Variants in NKAIN2 observed in about 807,000 individuals in gnomAD.
NKAIN2 encodes the protein sodium/potassium transporting ATPase interacting 2.
Under a neutral mutation model 32.6 loss-of-function variants are expected in NKAIN2, and 14 were observed. The observed-to-expected ratio is 0.43, with a 90% CI of 0.28 to 0.67. NKAIN2 has a LOEUF of 0.67. Ranked by LOEUF, NKAIN2 falls within the 30% of genes least tolerant of loss-of-function variation. NKAIN2 has a pLI of 0.17. For missense variants in NKAIN2, 198 were observed against 258.3 expected (o/e 0.77, Z 1.60); for synonymous variants, 80 against 87.2 (o/e 0.92, Z 0.46).
At chr6:123,978,042 T>G (rs9482495) in intron 1 of NKAIN2, among the ~76,000 whole-genome samples, 7,900 of 152,268 alleles carry the variant, frequency 0.052, 684 homozygotes, top group African/African-American at 0.18. Context: ...GCTTTTAACT[T>G]AATACTTATC....
In NKAIN2 at chr6:124,054,049, A is replaced by T. The variant is rs1444797640; in HGVS notation, c.55-228956A>T. ...ATATTTCTATCTGGTAAAGCATTTT[A>T]TATGTATTATCTATGTCATCTTCAC... On this transcript the variant is annotated intron_variant, in intron 1 of 6. Transcript: ENST00000368417. Among the ~76,000 whole-genome samples the T allele has an allele frequency of 2.0e-5, 3 of 152,238 alleles. No individual in the cohort carries two copies. The East Asian group carries it at 5.8e-4, about 29-fold the overall frequency.
chr6:124,429,134 T>G (rs1775102529), intron 3 of NKAIN2, among the ~76,000 whole-genome samples: 1 of 152,012 alleles, frequency 6.6e-6, no homozygotes, highest in Admixed American at 6.6e-5. Flanking sequence ...GCCTGTTGGG[T>G]TCAAGCAGTT....
At chr6:124,344,990 A>T (rs1186562250) in intron 2 of NKAIN2, among the ~76,000 whole-genome samples, 1 of 152,172 alleles carries the variant, frequency 6.6e-6, no homozygotes, top group Non-Finnish European at 1.5e-5. Context: ...AGCCCTTATT[A>T]TTTTGAGATA....
intron 3 of NKAIN2, among the ~76,000 whole-genome samples, chr6:124,381,001 T>C (rs1319220850): frequency 6.6e-6 from 1 of 152,208 alleles, no homozygotes; most frequent in Non-Finnish European, 1.5e-5. Context: ...CATTCACAAA[T>C]GTCTGGAAGG....
At chr6:124,687,232 T>TAG (rs1192783095) in intron 4 of NKAIN2, among the ~76,000 whole-genome samples, 20 of 145,308 alleles carry the variant, frequency 1.4e-4, no homozygotes, top group Non-Finnish European at 2.1e-4. Context: ...GGAATATATA[T>TAG]AGAGAGAATA....
chr6:124,645,146 T>C (rs966019891), intron 3 of NKAIN2, among the ~76,000 whole-genome samples: 4 of 152,142 alleles, frequency 2.6e-5, no homozygotes, highest in African/African-American at 9.7e-5. Context: ...TGAAAGTAGA[T>C]AGAGGATTGG....
chr6:124,323,504 G>T (rs889141641), intron 2 of NKAIN2, among the ~76,000 whole-genome samples: 2 of 151,964 alleles, frequency 1.3e-5, no homozygotes, highest in Non-Finnish European at 1.5e-5. Flanking sequence ...CTCATTTACT[G>T]CATGTGGATA....
intron 4 of NKAIN2, among the ~76,000 whole-genome samples, chr6:124,738,472 G>A (rs1460561954): frequency 2.0e-5 from 3 of 151,936 alleles, no homozygotes; most frequent in African/African-American, 7.2e-5. Flanking sequence ...AAAACGCAAT[G>A]TTGTATTTTT....
chr6:124,315,406 A>T (rs1796907457), intron 2 of NKAIN2, among the ~76,000 whole-genome samples: 1 of 151,892 alleles, frequency 6.6e-6, no homozygotes, highest in African/African-American at 2.4e-5. Context: ...AATGCACTTT[A>T]AAAAAAGAGC....
At chr6:124,292,574 G>A (rs1795868341) in intron 2 of NKAIN2, among the ~76,000 whole-genome samples, 1 of 149,968 alleles carries the variant, frequency 6.7e-6, no homozygotes, top group African/African-American at 2.5e-5. Flanking sequence ...GAGACTCTAT[G>A]GGGAAGGCAA....
intron 1 of NKAIN2, among the ~76,000 whole-genome samples, chr6:123,942,762 A>G (rs533476638): frequency 2.2e-4 from 33 of 152,174 alleles, no homozygotes; most frequent in Admixed American, 8.5e-4. Context: ...CTTCTTAAAC[A>G]TAATCCTATG....
intron 1 of NKAIN2, among the ~76,000 whole-genome samples, chr6:124,036,992 C>T (rs1388796469): frequency 1.3e-5 from 2 of 152,122 alleles, no homozygotes; most frequent in East Asian, 1.9e-4. Context: ...TCAGTATTCC[C>T]GAGAGAACAC....
intron 1 of NKAIN2, among the ~76,000 whole-genome samples, chr6:124,046,011 A>G (rs73770323): frequency 0.014 from 2,071 of 152,150 alleles, 44 homozygotes; most frequent in African/African-American, 0.047. Flanking sequence ...TTAACTAATT[A>G]GCAGGCATTC....
chr6:123,957,500 A>G (rs958347384), intron 1 of NKAIN2, among the ~76,000 whole-genome samples: 1 of 152,204 alleles, frequency 6.6e-6, no homozygotes, highest in African/African-American at 2.4e-5. Flanking sequence ...GGTATTTTCA[A>G]TTATTGTTAA....
chr6:124,376,696 A>G (rs1800008078), intron 3 of NKAIN2, among the ~76,000 whole-genome samples: 1 of 152,094 alleles, frequency 6.6e-6, no homozygotes, highest in Non-Finnish European at 1.5e-5. Flanking sequence ...AATCTTCCCT[A>G]TCCAATATAA....
In NKAIN2 at chr6:124,799,176, C is replaced by T. The variant is rs115207830; in HGVS notation, c.535+7777C>T. ...GAGACAGATGCTACATGCGAATTTT[C>T]CTCCTGTCAATCAAATTCAAGTTCC... On this transcript the variant is annotated intron_variant, in intron 5 of 6. Coordinates refer to ENST00000368417, the MANE Select transcript of NKAIN2 (RefSeq NM_001040214.3). Among the ~76,000 whole-genome samples the T allele has an allele frequency of 5.5e-3, 842 of 152,304 alleles. 5 individuals carry two copies. The highest frequency in any genetic ancestry group is 0.02 in the African/African-American group (815 of 41,554).
Position 123,803,878 on chromosome 6 carries a change from C to T in NKAIN2, c.-323C>T, listed in dbSNP as rs892014214. On this transcript the variant is annotated 5_prime_UTR_variant, in exon 1 of 7. Transcript: ENST00000368417. Reference sequence around the variant, plus strand: ...ACTTCGCGGGCCAGATGCCCGAGGGCGCGGCGGCGCTGCCAGGCTGCCGCT... The same window carrying T: ...ACTTCGCGGGCCAGATGCCCGAGGGTGCGGCGGCGCTGCCAGGCTGCCGCT... Among the ~76,000 whole-genome samples the T allele has an allele frequency of 2.7e-5, 4 of 147,722 alleles. No individual in the cohort carries two copies. The highest frequency in any genetic ancestry group is 2.7e-4 in the Admixed American group (4 of 14,890).
chr6:124,168,149 T>G (rs1788666510), intron 1 of NKAIN2, among the ~76,000 whole-genome samples: 1 of 152,142 alleles, frequency 6.6e-6, no homozygotes, highest in East Asian at 1.9e-4. Flanking sequence ...ACATTTAATT[T>G]TTTTATAATA....
At chr6:124,065,510 T>C (rs1426324328) in intron 1 of NKAIN2, among the ~76,000 whole-genome samples, 1 of 152,268 alleles carries the variant, frequency 6.6e-6, no homozygotes, top group South Asian at 2.1e-4. Context: ...ATAAAAGAGA[T>C]GTGAGGGAGC....
Sources: gnomAD v4.1 joint callset for allele counts (sites outside exome capture counted in the v4.1 genomes callset) on GRCh38, gnomAD v4.1.1 for gene constraint, MANE v1.5 for transcripts, NCBI Gene and HGNC (gene_info 2026-07-23, HGNC 2026-07-21) for gene names.